The following CTNNA2 variants were observed in gnomAD, a reference collection of about 807,000 sequenced individuals.
CTNNA2 encodes catenin alpha 2.
Under a neutral mutation model 101.0 loss-of-function variants are expected in CTNNA2, and 42 were observed. The observed-to-expected ratio is 0.42, with a 90% CI of 0.32 to 0.54. CTNNA2 has a LOEUF of 0.54. CTNNA2 is among the 20% of genes least tolerant of loss of function. The probability of loss-of-function intolerance (pLI) is 0.14; values close to 1 mark genes in which losing one functional copy is unlikely to be tolerated. For synonymous variants in CTNNA2, 450 were observed against 456.4 expected (o/e 0.99, Z 0.18); for missense variants, 871 against 1,223.1 (o/e 0.71, Z 4.29).
chr2:80,317,258 G>A (rs1156461527), intron 7 of CTNNA2, among the ~76,000 whole-genome samples: 2 of 152,140 alleles, frequency 1.3e-5, no homozygotes, highest in Non-Finnish European at 2.9e-5. Context: ...ACATTCACCA[G>A]CATCCTCATA....
chr2:79,620,417 T>C (rs1257197436), intron 1 of CTNNA2, among the ~76,000 whole-genome samples: 1 of 152,202 alleles, frequency 6.6e-6, no homozygotes, highest in Non-Finnish European at 1.5e-5. Flanking sequence ...GATAGTGAAA[T>C]GTCACCTTAT....
chr2:79,335,365 C>T (rs1274744398), intron 3 of CTNNA2, among the ~76,000 whole-genome samples: 4 of 152,170 alleles, frequency 2.6e-5, no homozygotes, highest in Non-Finnish European at 5.9e-5. Flanking sequence ...CAAAGACTCA[C>T]AGCAAAATCA....
intron 2 of CTNNA2, among the ~76,000 whole-genome samples, chr2:79,306,060 A>AAAAAAG (rs1573058887): frequency 6.6e-6 from 1 of 152,024 alleles, no homozygotes; most frequent in East Asian, 1.9e-4. Context: ...AAAAAAAAAA[A>AAAAAAG]AAGGCAATCT....
At chr2:79,225,739 G>A (rs1169757325) in intron 2 of CTNNA2, among the ~76,000 whole-genome samples, 1 of 152,144 alleles carries the variant, frequency 6.6e-6, no homozygotes, top group East Asian at 1.9e-4. Flanking sequence ...TGGGAAAATA[G>A]CCAGAATGAG....
At chr2:80,352,133 T>C (rs561878730) in intron 7 of CTNNA2, among the ~76,000 whole-genome samples, 9 of 152,304 alleles carry the variant, frequency 5.9e-5, no homozygotes, top group South Asian at 2.1e-4. Flanking sequence ...TATTTTTCGA[T>C]GTAGCAATCC....
chr2:80,561,817 C>T (rs538936227), intron 12 of CTNNA2, among the ~76,000 whole-genome samples: 375 of 143,968 alleles, frequency 2.6e-3, no homozygotes, highest in African/African-American at 8.8e-3. Flanking sequence ...GTCGCCACCA[C>T]GCCTGGCTAA....
intron 1 of CTNNA2, among the ~76,000 whole-genome samples, chr2:79,537,766 G>A (rs939944880): frequency 6.9e-6 from 1 of 144,106 alleles, no homozygotes; most frequent in Non-Finnish European, 1.5e-5. Context: ...ACATAATTTT[G>A]TTTAGCACAT....
At position 80,603,917 on chromosome 2, in the gene CTNNA2, T is replaced by C. The variant is rs906057500; in HGVS notation, c.2190-157T>C. The C allele has an allele frequency of 1.1e-5, 6 of 554,762 alleles. No individual in the cohort carries two copies. The Admixed American group carries it at 1.3e-4, about 12-fold the overall frequency. 34.4% of individuals were successfully genotyped at this position (554,762 alleles called of 1,614,324 possible). On this transcript the variant is annotated intron_variant, in intron 15 of 18. Coordinates refer to ENST00000402739, the MANE Select transcript of CTNNA2 (RefSeq NM_001282597.3). ...ATATTTCCAAAAACGACTACTAATA[T>C]AGAAACTGGAGTTAAGCAGGAAAAT...
rs564872098 is a variant in CTNNA2 at position 80,089,563 on chromosome 2, C to T, written c.1056+179766C>T. The stretch of plus-strand genomic sequence containing the variant: ...ATTTTAACGGTTTCACTTCTTTCAC[C>T]ATAGTGAAATAAAAGAAACAACAAA... On this transcript the variant is annotated intron_variant, in intron 7 of 18. Coordinates refer to ENST00000402739, the MANE Select transcript of CTNNA2 (RefSeq NM_001282597.3). 1.1e-4 allele frequency among the ~76,000 whole-genome samples: 17 copies of T among 151,574 alleles called. No homozygotes were observed. The East Asian group carries it at 1.9e-3, about 17-fold the overall frequency.
intron 4 of CTNNA2, among the ~76,000 whole-genome samples, chr2:79,409,360 A>G (rs892955410): frequency 1.3e-5 from 2 of 152,170 alleles, no homozygotes; most frequent in African/African-American, 4.8e-5. Flanking sequence ...TGTTTTAGAC[A>G]TGAAGTCCTT....
chr2:79,558,154 T>C (rs899773756), intron 1 of CTNNA2, among the ~76,000 whole-genome samples: 10 of 151,946 alleles, frequency 6.6e-5, no homozygotes, highest in African/African-American at 2.4e-4. Flanking sequence ...TCAGGTAGTT[T>C]CCTGGGCTAA....
At chr2:79,749,873 T>C (rs1407196180) in intron 3 of CTNNA2, among the ~76,000 whole-genome samples, 1 of 152,208 alleles carries the variant, frequency 6.6e-6, no homozygotes, top group Non-Finnish European at 1.5e-5. Flanking sequence ...TTAATTATAA[T>C]TTATTAAATC....
chr2:80,356,854 T>G (rs1288322344), intron 7 of CTNNA2, among the ~76,000 whole-genome samples: 2 of 152,184 alleles, frequency 1.3e-5, no homozygotes, highest in African/African-American at 2.4e-5. Flanking sequence ...CAGGTACTTG[T>G]GTATGGCTGA....
chr2:80,436,651 G>A (rs1040375426), intron 9 of CTNNA2, among the ~76,000 whole-genome samples: 6 of 152,142 alleles, frequency 3.9e-5, no homozygotes, highest in Non-Finnish European at 7.3e-5. Flanking sequence ...TCCAGAGGCT[G>A]GGAGGTCCAA....
At chr2:80,620,476 G>A (rs1044368470) in intron 18 of CTNNA2, among the ~76,000 whole-genome samples, 1 of 151,838 alleles carries the variant, frequency 6.6e-6, no homozygotes, top group East Asian at 1.9e-4. Context: ...GGGTTTTGAA[G>A]TTATTTGATA....
At chr2:80,246,511 T>A (rs13020826) in intron 7 of CTNNA2, among the ~76,000 whole-genome samples, 1 of 152,218 alleles carries the variant, frequency 6.6e-6, no homozygotes. Context: ...GCATTGGATG[T>A]AGGTCTTTGT....
intron 2 of CTNNA2, among the ~76,000 whole-genome samples, chr2:79,290,844 A>G (rs1480573352): frequency 1.3e-5 from 2 of 152,182 alleles, no homozygotes; most frequent in Non-Finnish European, 2.9e-5. Flanking sequence ...CTGGTACACC[A>G]AGGCAAGAAA....
intron 7 of CTNNA2, among the ~76,000 whole-genome samples, chr2:80,148,295 A>G (rs1703479172): frequency 6.6e-6 from 1 of 152,222 alleles, no homozygotes; most frequent in South Asian, 2.1e-4. Flanking sequence ...ATCAGCAGCA[A>G]AGACTGCTGA....
At chr2:79,924,115 A>G (rs1412591149) in intron 7 of CTNNA2, among the ~76,000 whole-genome samples, 7 of 152,096 alleles carry the variant, frequency 4.6e-5, no homozygotes, top group South Asian at 2.1e-4. Flanking sequence ...TATACATACA[A>G]TGGAATACTA....
Sources: allele counts gnomAD v4.1 joint callset (sites outside exome capture counted in the v4.1 genomes callset), GRCh38; gene constraint gnomAD v4.1.1; transcripts MANE v1.5; gene names NCBI Gene and HGNC (gene_info 2026-07-23, HGNC 2026-07-21).